The following MSRA variants were observed in gnomAD, a reference collection of about 807,000 sequenced individuals.
MSRA encodes the protein methionine sulfoxide reductase A, also known as mitochondrial peptide methionine sulfoxide reductase.
Under a neutral mutation model 31.3 loss-of-function variants are expected in MSRA, and 54 were observed. The ratio of observed to expected loss-of-function variants is 1.73; its 90% CI spans 1.39 to 2.17. The LOEUF (loss-of-function observed/expected upper bound fraction) is 2.17. MSRA is among the 30% of genes most tolerant of loss of function. The pLI, the probability that MSRA is intolerant of heterozygous loss-of-function variation, is 0.00. For missense variants in MSRA, 507 were observed against 300.9 expected (o/e 1.69, Z -5.07); for synonymous variants, 169 against 116.5 (o/e 1.45, Z -2.90).
intron 1 of MSRA, among the ~76,000 whole-genome samples, chr8:10,133,370 G>C (rs113446582): frequency 6.6e-6 from 1 of 152,138 alleles, no homozygotes; most frequent in Non-Finnish European, 1.5e-5. Flanking sequence ...GGACTCCTCC[G>C]TCAGGAAGGT....
chr8:10,198,999 C>T (rs1808244764), intron 1 of MSRA, among the ~76,000 whole-genome samples: 2 of 152,234 alleles, frequency 1.3e-5, no homozygotes, highest in Admixed American at 1.3e-4. Context: ...CGAATCAAAG[C>T]TAGTCTCTCT....
chr8:10,308,389 G>A (rs1031314669), intron 4 of MSRA, among the ~76,000 whole-genome samples: 2 of 152,170 alleles, frequency 1.3e-5, no homozygotes, highest in African/African-American at 4.8e-5. Context: ...GATCGGCCCG[G>A]CACTCGCTGT....
chr8:10,387,446 C>G (rs553324965), intron 5 of MSRA, among the ~76,000 whole-genome samples: 2 of 152,248 alleles, frequency 1.3e-5, no homozygotes, highest in East Asian at 1.9e-4. Context: ...CTATGAGACT[C>G]TAAGAAGGGT....
intron 1 of MSRA, among the ~76,000 whole-genome samples, chr8:10,150,677 G>C (rs1803587078): frequency 6.6e-6 from 1 of 152,086 alleles, no homozygotes; most frequent in African/African-American, 2.4e-5. Flanking sequence ...TTTTCTGTCT[G>C]ACTCGGTAAT....
At chr8:10,348,322 T>C (rs542143960) in intron 5 of MSRA, among the ~76,000 whole-genome samples, 1 of 151,228 alleles carries the variant, frequency 6.6e-6, no homozygotes, top group Non-Finnish European at 1.5e-5. Context: ...CATGGCCAAA[T>C]GCCTATTTCC....
intron 1 of MSRA, chr8:10,058,886 G>A (rs1273002328): frequency 6.6e-6 from 1 of 152,084 alleles, no homozygotes; most frequent in Non-Finnish European, 1.5e-5. Context: ...TTTGTAAGAA[G>A]GTAAGATTCA....
intron 5 of MSRA, among the ~76,000 whole-genome samples, chr8:10,407,609 G>A (rs1159453509): frequency 6.6e-6 from 1 of 152,200 alleles, no homozygotes; most frequent in Non-Finnish European, 1.5e-5. Context: ...GGGAAAGGAA[G>A]GAGAATGTCT....
At chr8:10,395,041 C>T (rs557728676) in intron 5 of MSRA, among the ~76,000 whole-genome samples, 8 of 152,278 alleles carry the variant, frequency 5.3e-5, no homozygotes, top group African/African-American at 7.2e-5. Context: ...AGTTGGCTTC[C>T]GACCAAGTGG....
At chr8:10,371,952 G>A (rs1563405489) in intron 5 of MSRA, among the ~76,000 whole-genome samples, 1 of 152,194 alleles carries the variant, frequency 6.6e-6, no homozygotes, top group Non-Finnish European at 1.5e-5. Flanking sequence ...AGAAAGTGTA[G>A]GGAAGGAGAA....
At chr8:10,401,918 A>T (rs939628093) in intron 5 of MSRA, among the ~76,000 whole-genome samples, 6 of 152,192 alleles carry the variant, frequency 3.9e-5, no homozygotes, top group African/African-American at 1.4e-4. Flanking sequence ...GGGAGTTATT[A>T]TCTAATGGGT....
intron 5 of MSRA, among the ~76,000 whole-genome samples, chr8:10,390,835 G>T (rs1279480232): frequency 6.6e-6 from 1 of 152,104 alleles, no homozygotes; most frequent in Non-Finnish European, 1.5e-5. Flanking sequence ...AATTATCTGG[G>T]CGCGGTGGCA....
intron 1 of MSRA, among the ~76,000 whole-genome samples, chr8:10,128,171 A>G (rs1801636590): frequency 6.6e-6 from 1 of 152,100 alleles, no homozygotes; most frequent in African/African-American, 2.4e-5. Flanking sequence ...CGAGATCAGG[A>G]GTTCGAGACC....
chr8:10,383,940 C>T, intron 5 of MSRA, among the ~76,000 whole-genome samples: 1 of 152,160 alleles, frequency 6.6e-6, no homozygotes, highest in African/African-American at 2.4e-5. Context: ...CGCTCATCCC[C>T]ACTGCTTTCC....
At chr8:10,353,953 G>C (rs1804355970) in intron 5 of MSRA, 2 of 186,544 alleles carry the variant, frequency 1.1e-5, no homozygotes, top group Non-Finnish European at 2.2e-5. Flanking sequence ...GTGTTGTCAA[G>C]AGAGCTAAAA....
intron 2 of MSRA, among the ~76,000 whole-genome samples, chr8:10,232,241 A>G (rs751450008): frequency 6.6e-6 from 1 of 152,230 alleles, no homozygotes; most frequent in Non-Finnish European, 1.5e-5. Flanking sequence ...ACATGTTCTA[A>G]TGGGAGCCCA....
At chr8:10,341,641 C>T (rs1803432799) in intron 5 of MSRA, among the ~76,000 whole-genome samples, 1 of 152,200 alleles carries the variant, frequency 6.6e-6, no homozygotes, top group Non-Finnish European at 1.5e-5. Context: ...ATCAGACAAA[C>T]TTAGGTACCT....
At chr8:10,291,839 A>C (rs974339604) in intron 3 of MSRA, among the ~76,000 whole-genome samples, 1 of 152,198 alleles carries the variant, frequency 6.6e-6, no homozygotes, top group Non-Finnish European at 1.5e-5. Context: ...TCTTGCTTAT[A>C]GGATAAATAA....
intron 3 of MSRA, among the ~76,000 whole-genome samples, chr8:10,270,473 T>G (rs1798973017): frequency 6.6e-6 from 1 of 151,542 alleles, no homozygotes; most frequent in African/African-American, 2.4e-5. Flanking sequence ...CTAATCCAAG[T>G]TTAGTAATAC....
chr8:10,117,875 A>T (rs1800800428), intron 1 of MSRA, among the ~76,000 whole-genome samples: 1 of 152,202 alleles, frequency 6.6e-6, no homozygotes, highest in Non-Finnish European at 1.5e-5. Flanking sequence ...ATGAAGAAAA[A>T]TCCTGGGTCC....
Sources: allele counts gnomAD v4.1 joint callset (sites outside exome capture counted in the v4.1 genomes callset), GRCh38; gene constraint gnomAD v4.1.1; transcripts MANE v1.5; gene names NCBI Gene and HGNC (gene_info 2026-07-23, HGNC 2026-07-21).